The following SRBD1 variants were observed in gnomAD, a reference collection of about 807,000 sequenced individuals.
SRBD1 encodes S1 RNA-binding domain-containing protein 1.
A neutral mutation model predicts 115.3 loss-of-function variants in SRBD1; 88 were observed. That is an observed-to-expected ratio of 0.76 (90% CI 0.64 to 0.91). SRBD1 has a LOEUF of 0.91. Ranked by LOEUF, SRBD1 falls within the 40% of genes least tolerant of loss-of-function variation. The probability of loss-of-function intolerance (pLI) is 0.00; values close to 1 mark genes in which losing one functional copy is unlikely to be tolerated. For synonymous variants in SRBD1, 509 were observed against 407.7 expected (o/e 1.25, Z -2.99); for missense variants, 1,385 against 1,177.4 (o/e 1.18, Z -2.58).
intron 16 of SRBD1, among the ~76,000 whole-genome samples, chr2:45,471,873 AT>A (rs1208884712): frequency 6.6e-6 from 1 of 152,182 alleles, no homozygotes; most frequent in Non-Finnish European, 1.5e-5. Context: ...CCTTAATAAT[AT>A]GCAGTTATCA....
chr2:45,509,013 G>C (rs1670881054), intron 14 of SRBD1, among the ~76,000 whole-genome samples: 1 of 152,028 alleles, frequency 6.6e-6, no homozygotes, highest in Non-Finnish European at 1.5e-5. Flanking sequence ...CAGAGAAAGA[G>C]AATACATGCT....
chr2:45,494,897 G>C (rs577363408), intron 14 of SRBD1, among the ~76,000 whole-genome samples: 2 of 152,206 alleles, frequency 1.3e-5, no homozygotes, highest in Admixed American at 1.3e-4. Context: ...GGACAAGTTA[G>C]AAGCAATTCT....
chr2:45,546,088 T>C (rs1215110928), intron 14 of SRBD1: 3 of 841,494 alleles, frequency 3.6e-6, no homozygotes, highest in Non-Finnish European at 4.3e-6. Context: ...TATTCTACTA[T>C]AGTTTGGAAA....
chr2:45,408,248 T>C (rs1331847576), intron 19 of SRBD1, among the ~76,000 whole-genome samples: 6 of 152,240 alleles, frequency 3.9e-5, no homozygotes, highest in East Asian at 1.9e-4. Context: ...GAACTACCTA[T>C]GCTGAGTGAT....
At chr2:45,429,939 A>G (rs1239545555) in intron 16 of SRBD1, among the ~76,000 whole-genome samples, 1 of 152,250 alleles carries the variant, frequency 6.6e-6, no homozygotes, top group East Asian at 1.9e-4. Context: ...CAACTTCAGC[A>G]AAGTCTCAGG....
At chr2:45,423,261 T>C (rs997979748) in intron 16 of SRBD1, among the ~76,000 whole-genome samples, 1 of 152,104 alleles carries the variant, frequency 6.6e-6, no homozygotes, top group Non-Finnish European at 1.5e-5. Context: ...CAAATATTGA[T>C]GTGAATGTGA....
At chr2:45,526,637 AAAAT>A (rs1671451345) in intron 14 of SRBD1, among the ~76,000 whole-genome samples, 1 of 152,022 alleles carries the variant, frequency 6.6e-6, no homozygotes, top group Non-Finnish European at 1.5e-5. Flanking sequence ...ACTGTTAAAC[AAAAT>A]AAATGAATAA....
intron 7 of SRBD1, among the ~76,000 whole-genome samples, chr2:45,577,074 T>C (rs1558489921): frequency 6.6e-6 from 1 of 152,222 alleles, no homozygotes; most frequent in Non-Finnish European, 1.5e-5. Flanking sequence ...GTGTCCCAGA[T>C]AACTCTGATA....
At chr2:45,606,617 A>G (rs1674282802) in intron 1 of SRBD1, among the ~76,000 whole-genome samples, 1 of 152,252 alleles carries the variant, frequency 6.6e-6, no homozygotes, top group South Asian at 2.1e-4. Flanking sequence ...TAAAATGATT[A>G]ATCACTATGT....
intron 14 of SRBD1, among the ~76,000 whole-genome samples, chr2:45,536,838 G>A (rs1204945267): frequency 6.6e-6 from 1 of 151,980 alleles, no homozygotes; most frequent in Non-Finnish European, 1.5e-5. Context: ...AGACTCTTGC[G>A]GGCCAATCTT....
chr2:45,415,728 G>C (rs191801538), intron 18 of SRBD1, among the ~76,000 whole-genome samples: 141 of 10,702 alleles, frequency 0.013, 6 homozygotes, highest in African/African-American at 0.053. Flanking sequence ...GGAGAGGAGA[G>C]GAGAGGAGAC....
chr2:45,418,514 C>G lies in SRBD1; in HGVS notation c.2184G>C (p.Arg728Ser). Residue 728 changes from arginine (R) to serine (S), a missense_variant, in exon 18 of 21, where the codon AGG (arginine) becomes AGC (serine). By Grantham distance (110) the Arg-to-Ser change is moderately radical. Coordinates refer to ENST00000263736, the MANE Select transcript of SRBD1 (RefSeq NM_018079.5). ...CTCGCCATTCAATAATATTTTTGGC[C>G]CTGTTGGCATTGAGTCCTGCAATAT... ...LRHIAGLNAN[R>S]AKNIIEWREK... The G allele has an allele frequency of 6.2e-7, 1 of 1,612,690 alleles. No homozygotes were observed. Among genetic ancestry groups the G allele is most frequent in the Non-Finnish European group, 8.5e-7 (1 of 1,179,644 alleles).
At chr2:45,450,631 T>A (rs997646005) in intron 16 of SRBD1, among the ~76,000 whole-genome samples, 1 of 152,118 alleles carries the variant, frequency 6.6e-6, no homozygotes, top group Non-Finnish European at 1.5e-5. Flanking sequence ...ACTATATACG[T>A]CAATTAAAGC....
chr2:45,469,200 A>T (rs932346569), intron 16 of SRBD1, among the ~76,000 whole-genome samples: 5 of 152,162 alleles, frequency 3.3e-5, no homozygotes, highest in African/African-American at 1.2e-4. Flanking sequence ...TTTAGATTCT[A>T]ATGCAGTAGA....
intron 14 of SRBD1, among the ~76,000 whole-genome samples, chr2:45,528,478 G>C (rs920964237): frequency 6.6e-6 from 1 of 151,752 alleles, no homozygotes; most frequent in Admixed American, 6.6e-5. Flanking sequence ...CAGTAAAGGA[G>C]GGACTTATAA....
chr2:45,436,488 C>T (rs541109760), intron 16 of SRBD1, among the ~76,000 whole-genome samples: 1 of 152,238 alleles, frequency 6.6e-6, no homozygotes, highest in African/African-American at 2.4e-5. Context: ...CTTCCTATGA[C>T]TGGGTAATTT....
At chr2:45,454,440 A>C (rs58472072) in intron 16 of SRBD1, among the ~76,000 whole-genome samples, 6,619 of 151,916 alleles carry the variant, frequency 0.044, 483 homozygotes, top group African/African-American at 0.15. Context: ...AATATAATAC[A>C]AATTAATAGT....
At chr2:45,605,341 A>T (rs1372522572) in intron 2 of SRBD1, 21 bp downstream of exon 2, 2 of 1,596,664 alleles carry the variant, frequency 1.3e-6, no homozygotes, top group Admixed American at 1.7e-5. Context: ...CCCTACCCAC[A>T]TATTAAACCA....
At chr2:45,453,740 A>T (rs1419253085) in intron 16 of SRBD1, among the ~76,000 whole-genome samples, 1 of 151,962 alleles carries the variant, frequency 6.6e-6, no homozygotes, top group African/African-American at 2.4e-5. Flanking sequence ...TGCAAATCTG[A>T]TGAAAAACAA....
Sources: gnomAD v4.1 joint callset for allele counts (sites outside exome capture counted in the v4.1 genomes callset) on GRCh38, gnomAD v4.1.1 for gene constraint, MANE v1.5 for transcripts, NCBI Gene and HGNC (gene_info 2026-07-23, HGNC 2026-07-21) for gene names.